SLC6A18: variants seen among roughly 807,000 people sequenced by gnomAD.
SLC6A18 encodes solute carrier family 6 member 18.
Under a neutral mutation model 62.9 loss-of-function variants are expected in SLC6A18, and 58 were observed. That is an observed-to-expected ratio of 0.92 (90% confidence interval 0.75 to 1.15). The LOEUF (loss-of-function observed/expected upper bound fraction) is 1.15, where lower values mean the gene tolerates loss of function less well. Ranked by LOEUF, SLC6A18 falls within the 50% of genes most tolerant of loss-of-function variation. SLC6A18 has a pLI of 0.00. For synonymous variants in SLC6A18, 382 were observed against 365.8 expected, an observed-to-expected ratio of 1.04 and a Z score of -0.51; for missense variants, 793 against 836.6, an observed-to-expected ratio of 0.95 and a Z score of 0.64.
chr5:1,238,916 T>C (rs1746973001), intron 5 of SLC6A18, among the ~76,000 whole-genome samples: 3 of 152,230 alleles, frequency 2.0e-5, no homozygotes, highest in East Asian at 1.9e-4. Flanking sequence ...CATTCTGTAC[T>C]ATCCCAGATC....
chr5:1,227,439 T>C (rs1159932010), intron 1 of SLC6A18, among the ~76,000 whole-genome samples: 1 of 152,252 alleles, frequency 6.6e-6, no homozygotes, highest in Non-Finnish European at 1.5e-5. Flanking sequence ...TCCAAGTTTA[T>C]TTAACTCACA....
intron 1 of SLC6A18, among the ~76,000 whole-genome samples, chr5:1,230,494 G>A (rs1461139875): frequency 6.6e-6 from 1 of 152,176 alleles, no homozygotes; most frequent in South Asian, 2.1e-4. Context: ...CTGTGTAAAT[G>A]ACACGGACAA....
intron 1 of SLC6A18, among the ~76,000 whole-genome samples, chr5:1,230,976 TGCAGACACAG>T (rs542697271): frequency 4.6e-5 from 7 of 152,266 alleles, no homozygotes; most frequent in African/African-American, 1.7e-4. Context: ...AGACGCAGCA[TGCAGACACAG>T]GGGCCTCTTC....
intron 3 of SLC6A18, among the ~76,000 whole-genome samples, chr5:1,233,749 A>ATTTCTTTTTTTTTT (rs1746798887): frequency 7.2e-6 from 1 of 138,634 alleles, no homozygotes; most frequent in African/African-American, 2.7e-5. Context: ...CACTCAGCTA[A>ATTTCTTTTTTTTTT]TTTTTTTTTT....
intron 1 of SLC6A18, among the ~76,000 whole-genome samples, chr5:1,227,164 C>A (rs144606809): frequency 3.6e-5 from 5 of 139,736 alleles, no homozygotes; most frequent in South Asian, 4.4e-4. Flanking sequence ...CCCGCCGATG[C>A]CTTGCCCGCC....
At chr5:1,231,570 A>G (rs1029179787) in intron 1 of SLC6A18, among the ~76,000 whole-genome samples, 2 of 152,216 alleles carry the variant, frequency 1.3e-5, no homozygotes, top group African/African-American at 4.8e-5. Flanking sequence ...CTGGGGGAAC[A>G]GAGCAGCTCA....
chr5:1,232,483 G>A, intron 2 of SLC6A18, 124 bp downstream of exon 2: 1 of 1,323,160 alleles, frequency 7.6e-7, no homozygotes, highest in Non-Finnish European at 1.0e-6. Context: ...GCCGGCGGGT[G>A]GGGTGGCAGG....
Position 1,239,512 on chromosome 5 carries a change from G to C in SLC6A18, c.795G>C (p.Leu265=). The change falls in exon 6 of 12, where the codon CTG becomes CTC. Residue 265 remains leucine (L), a synonymous_variant. Transcript: ENST00000324642. ...CAGCCACCCAGATATTCTTCTCTCT[G>C]TCCCTGGCCTTCGGAGGACACATCG... ...LDAATQIFFS[L]SLAFGGHIAF... The C allele has an allele frequency of 6.2e-7, 1 of 1,614,186 alleles. No individual in the cohort carries two copies. Among genetic ancestry groups the C allele is most frequent in the Non-Finnish European group, 8.5e-7 (1 of 1,180,024 alleles).
At chr5:1,237,902 C>T (rs750184125) in intron 4 of SLC6A18, 48 bp from the exon 5 acceptor site, 1 of 1,454,384 alleles carries the variant, frequency 6.9e-7, no homozygotes, top group South Asian at 1.1e-5. Flanking sequence ...GGCTTGTGGA[C>T]AGACCAGAGG....
Position 1,241,375 on chromosome 5 carries a change from G to T in SLC6A18, c.974+716G>T, listed in dbSNP as rs532108252. Among the ~76,000 whole-genome samples, 1 of 152,196 alleles carries T rather than the reference G, an allele frequency of 6.6e-6. No homozygotes were observed. The highest frequency in any genetic ancestry group is 2.4e-5 in the African/African-American group (1 of 41,454). ...TCTGGCAGTATATGGAGACATTTTT[G>T]ATTGGCCACACTTGTGTGAGGGGTG... On this transcript the variant is annotated intron_variant, in intron 7 of 11. Coordinates refer to ENST00000324642, the MANE Select transcript of SLC6A18 (RefSeq NM_182632.3). This position sits in a 1 kb window ranked among gnomAD's most constrained non-coding sequence, Gnocchi z 7.8.
Position 1,243,984 on chromosome 5 carries a change from C to T in SLC6A18, c.1336+225C>T, listed in dbSNP as rs1039053573. ...CCCCCACGGCCCCGGAGGCCACATC[C>T]CCCATCTGGAGCAGGAAAGCAGGTC... On this transcript the variant is annotated intron_variant, in intron 9 of 11. Transcript: ENST00000324642. This position sits in a 1 kb window ranked among gnomAD's most constrained non-coding sequence, Gnocchi z 6.5. 1.1e-4 allele frequency among the ~76,000 whole-genome samples: 16 copies of T among 152,154 alleles called. No individual in the cohort carries two copies.
At chr5:1,236,123 C>T (rs543326715) in intron 4 of SLC6A18, among the ~76,000 whole-genome samples, 2 of 136,660 alleles carry the variant, frequency 1.5e-5, no homozygotes, top group East Asian at 2.1e-4. Flanking sequence ...TTTCCATGTG[C>T]CCCATCTGTT....
chr5:1,230,198 G>T (rs1245159686), intron 1 of SLC6A18, among the ~76,000 whole-genome samples: 5 of 151,286 alleles, frequency 3.3e-5, no homozygotes, highest in African/African-American at 9.7e-5. Flanking sequence ...ACAGGCTGGA[G>T]GTGGGGGAAG....
rs1561181648 is a variant in SLC6A18 at position 1,244,609 on chromosome 5, T to C, written c.1498T>C (p.Phe500Leu). The change falls in exon 11 of 12, where the codon TTC becomes CTC. Residue 500 changes from phenylalanine to leucine, a missense_variant and splice_region_variant. Physicochemically the swap from Phe to Leu is conservative, Grantham distance 22. Coordinates refer to ENST00000324642, the MANE Select transcript of SLC6A18 (RefSeq NM_182632.3). ...GVVYVYGMKR[F>L]CDDIAWMTGR... ...GCCTGAGCCCAGCATCTGGTGCAGG[T>C]TCTGCGATGACATTGCGTGGATGAC... 6.3e-7 allele frequency: 1 copy of C among 1,593,724 alleles called. No individual in the cohort carries two copies. Among genetic ancestry groups the C allele is most frequent in the East Asian group, 2.3e-5 (1 of 44,420 alleles).
intron 9 of SLC6A18, 46 bp from the exon 10 acceptor site, chr5:1,244,168 C>CA: frequency 5.7e-6 from 5 of 870,402 alleles, no homozygotes; most frequent in South Asian, 3.0e-5. Context: ...CCCACACCTC[C>CA]ACTCCCCATC....
In SLC6A18 at chr5:1,245,989, G is replaced by T. The variant is rs114331542; in HGVS notation, c.1798G>T (p.Asp600Tyr). 47 of 1,598,788 alleles carry T rather than the reference G, an allele frequency of 2.9e-5. No homozygotes were observed. The African/African-American group carries it at 4.8e-4, about 16-fold the overall frequency. The change falls in exon 12 of 12, where the codon GAC becomes TAC. Residue 600 changes from aspartate to tyrosine, a missense_variant. Physicochemically the swap from Asp to Tyr is radical, Grantham distance 160. Coordinates refer to ENST00000324642, the MANE Select transcript of SLC6A18 (RefSeq NM_182632.3). ...CACCCGGCGGAGGCGGACGTGGAGG[G>T]ACAGGGACGCGCGCCCAGACACGGA... ...LLTRRRRTWR[D>Y]RDARPDTDMR... is the part of the protein sequence containing the mutation.
chr5:1,232,108 C>T (rs1561175462), intron 1 of SLC6A18, 111 bp from the exon 2 acceptor site: 2 of 954,240 alleles, frequency 2.1e-6, no homozygotes, highest in Non-Finnish European at 1.6e-6. Flanking sequence ...GTGCCCCCAA[C>T]ATTCAGGTCC....
rs767204417 is a variant in SLC6A18 at position 1,232,871 on chromosome 5, C to A, written c.422C>A (p.Pro141Gln). ...QHPLPWSSCP[P>Q]DLNRTGFVEE... ...CCGCTGCCCTGGAGCTCCTGCCCAC[C>A]GGACCTCAACAGAACAGGTGAGCTG... Residue 141 changes from proline (P) to glutamine (Q), a missense_variant, in exon 3 of 12, where the codon CCG becomes CAG. By Grantham distance (76) the Pro-to-Gln change is moderately conservative (BLOSUM62 -1). Transcript: ENST00000324642. 71 of 1,612,192 alleles carry A rather than the reference C, an allele frequency of 4.4e-5. No homozygotes were observed. The highest frequency in any genetic ancestry group is 5.6e-5 in the Non-Finnish European group (66 of 1,179,584).
intron 6 of SLC6A18, 44 bp from the exon 7 acceptor site, chr5:1,240,487 G>A (rs1339359007): frequency 7.5e-6 from 12 of 1,610,468 alleles, no homozygotes; most frequent in African/African-American, 1.3e-5. Context: ...ATGAGGCCCA[G>A]TTACCTCCTG....
Sources: allele counts gnomAD v4.1 joint callset (sites outside exome capture counted in the v4.1 genomes callset), GRCh38; gene constraint gnomAD v4.1.1; non-coding constraint Gnocchi (gnomAD v3.1); transcripts MANE v1.5; gene names NCBI Gene and HGNC (gene_info 2026-07-23, HGNC 2026-07-21).